The following PPP1R12C variants were observed in gnomAD, a reference collection of about 807,000 sequenced individuals.
The protein encoded by PPP1R12C is protein phosphatase 1 regulatory subunit 12C, also known as leukocyte receptor cluster (LRC) encoded novel gene 3.
A neutral mutation model predicts 95.6 loss-of-function variants in PPP1R12C; 48 were observed. The ratio of observed to expected loss-of-function variants is 0.50; its 90% CI spans 0.40 to 0.64. The LOEUF (loss-of-function observed/expected upper bound fraction) is 0.64, where lower values mean the gene tolerates loss of function less well. Ranked by LOEUF, PPP1R12C falls within the 30% of genes least tolerant of loss-of-function variation. PPP1R12C has a pLI of 0.00. For synonymous variants in PPP1R12C, 480 were observed against 460.8 expected (o/e 1.04, Z -0.53); for missense variants, 1,057 against 1,083.3 (o/e 0.98, Z 0.34).
chr19:55,100,288 C>A (rs533526703), intron 4 of PPP1R12C, among the ~76,000 whole-genome samples: 4 of 152,248 alleles, frequency 2.6e-5, no homozygotes, highest in African/African-American at 9.6e-5. Flanking sequence ...ATGCTGCCCC[C>A]CAGGGGACAT....
chr19:55,116,417 A>AGCAGAGAG (rs2085154419), intron 1 of PPP1R12C, among the ~76,000 whole-genome samples: 1 of 152,158 alleles, frequency 6.6e-6, no homozygotes, highest in Non-Finnish European at 1.5e-5. Flanking sequence ...GCAGCAACAC[A>AGCAGAGAG]GCAGAGAGCA....
intron 13 of PPP1R12C, 92 bp from the exon 14 acceptor site, chr19:55,093,325 C>A: frequency 2.1e-5 from 6 of 287,716 alleles, no homozygotes; most frequent in South Asian, 8.0e-5. Context: ...AGCCCCTCCT[C>A]CCTCAGACCC....
Position 55,092,986 on chromosome 19 carries a change from G to A in PPP1R12C, c.1825+30C>T, listed in dbSNP as rs534456522. The A allele has an allele frequency of 1.5e-5, 24 of 1,564,166 alleles. No homozygotes were observed. The South Asian group carries it at 2.5e-4, about 16-fold the overall frequency. On this transcript the variant is annotated intron_variant, in intron 15 of 21. Transcript: ENST00000263433. The stretch of plus-strand genomic sequence containing the variant: ...TATGGGAGAAACTGGATGATTCCCT[G>A]GGAATGACCTCCCCGAGAGCAGACC...
chr19:55,093,331 G>A, intron 13 of PPP1R12C, 98 bp from the exon 14 acceptor site: 3 of 203,646 alleles, frequency 1.5e-5, no homozygotes, highest in South Asian at 1.4e-4. Context: ...TCCTCCCTCA[G>A]ACCCAGGAGC....
intron 4 of PPP1R12C, among the ~76,000 whole-genome samples, chr19:55,103,109 C>T (rs1274351009): frequency 6.6e-6 from 1 of 152,164 alleles, no homozygotes; most frequent in African/African-American, 2.4e-5. Context: ...AGGAGGATCA[C>T]CTGAGCCTGG....
Position 55,109,840 on chromosome 19 carries a change from T to C in PPP1R12C, c.571+2627A>G, listed in dbSNP as rs2085076267. Among the ~76,000 whole-genome samples, 1 of 152,202 alleles carries C rather than the reference T, an allele frequency of 6.6e-6. No individual in the cohort carries two copies. ...CGCACTGCAGCCCCTCTGAGGCTCC[T>C]GTGTGGAGCCGGGTGTCACAGGGTG... On this transcript the variant is annotated intron_variant, in intron 3 of 21. Coordinates refer to ENST00000263433, the MANE Select transcript of PPP1R12C (RefSeq NM_017607.4). The surrounding 1 kb of genome is among the most constrained non-coding windows in gnomAD (Gnocchi z 4.4).
In PPP1R12C at chr19:55,092,345, A is replaced by G. The variant is rs1440625205; in HGVS notation, c.2056-19T>C. The stretch of plus-strand genomic sequence containing the variant: ...CATACAGCTGGGGGTCAGGTAGAGG[A>G]GGGTCAGGTGGAGGATGGGGCGATG... On this transcript the variant is annotated intron_variant, in intron 18 of 21. Transcript: ENST00000263433. 1.3e-6 allele frequency: 2 copies of G among 1,481,600 alleles called. No individual in the cohort carries two copies. The highest frequency in any genetic ancestry group is 2.3e-5 in the South Asian group (2 of 85,208). 91.8% of individuals were successfully genotyped at this position (1,481,600 alleles called of 1,614,324 possible). A position where few individuals can be genotyped will look rare whatever the true frequency, so the allele number is the denominator to read the frequency against.
intron 1 of PPP1R12C, chr19:55,113,740 T>A (rs367772920): frequency 1.9e-6 from 1 of 518,186 alleles, no homozygotes; most frequent in Non-Finnish European, 2.9e-6. Context: ...TCATGGAAAC[T>A]CGGGCTGTGA....
chr19:55,112,812 G>A lies in PPP1R12C; in HGVS notation c.322-17C>T. The stretch of plus-strand genomic sequence containing the variant: ...AATGCAGGCCTGGGGGTGGGAAACA[G>A]CCGTCAGCCGCACCTACCCCAGCCA... On this transcript the variant is annotated splice_polypyrimidine_tract_variant and intron_variant, in intron 1 of 21. Transcript: ENST00000263433. 6.2e-7 allele frequency: 1 copy of A among 1,610,406 alleles called. No homozygotes were observed. The highest frequency in any genetic ancestry group is 8.5e-7 in the Non-Finnish European group (1 of 1,179,774).
chr19:55,092,884 G>A lies in PPP1R12C; in HGVS notation c.1826-16C>T, dbSNP rs957946968. The A allele has an allele frequency of 7.5e-6, 12 of 1,601,186 alleles. No homozygotes were observed. In the African/African-American group the frequency reaches 9.4e-5, roughly 13 times the overall value. On this transcript the variant is annotated splice_polypyrimidine_tract_variant and intron_variant, in intron 15 of 21. Transcript: ENST00000263433. The stretch of plus-strand genomic sequence containing the variant: ...GGCGCCTCTGCTGGGGGAGGGGCAG[G>A]AATCAGCCCAGGCACCTCCAGAGCC...
intron 9 of PPP1R12C, 101 bp downstream of exon 9, chr19:55,095,766 A>G: frequency 6.5e-7 from 1 of 1,529,970 alleles, no homozygotes; most frequent in South Asian, 1.1e-5. Context: ...TGGGAACTAT[A>G]GTCTTCCCCC....
Position 55,091,415 on chromosome 19 carries a change from G to A in PPP1R12C, c.*57C>T, listed in dbSNP as rs950442014. On this transcript the variant is annotated 3_prime_UTR_variant, in exon 22 of 22. Transcript: ENST00000263433. ...TGTCACTCGTGTTCACACGGGGGAA[G>A]GGGTGCGTGTGGCAGAAGCAGCTGT... 3.3e-6 allele frequency: 5 copies of A among 1,502,952 alleles called. No individual in the cohort carries two copies. The African/African-American group carries it at 4.1e-5, about 12-fold the overall frequency. The allele number at this position is 1,502,952 out of a possible 1,614,324, so 93.1% of individuals were successfully genotyped here.
intron 1 of PPP1R12C, chr19:55,113,465 G>C: frequency 1.4e-6 from 2 of 1,480,218 alleles, no homozygotes; most frequent in Non-Finnish European, 1.8e-6. Flanking sequence ...TGCAGCCAGG[G>C]GCTGACACGG....
Position 55,093,206 on chromosome 19 carries a change from C to T in PPP1R12C, c.1711G>A (p.Ala571Thr). The T allele has an allele frequency of 6.2e-7, 1 of 1,613,564 alleles. No individual in the cohort carries two copies. The highest frequency in any genetic ancestry group is 8.5e-7 in the Non-Finnish European group (1 of 1,179,954). Reference sequence around the variant, plus strand: ...GGGGCCTTCCCTGCAGCCTTCTCTGCCTCCTTCAGGTCTGTAAGAGTCACA... The same window carrying T: ...GGGGCCTTCCCTGCAGCCTTCTCTGTCTCCTTCAGGTCTGTAAGAGTCACA... ...QGVTLTDLKEAEKAAGKAPES... is the reference protein window; with the variant it reads ...QGVTLTDLKETEKAAGKAPES... Residue 571 changes from alanine (A) to threonine (T), a missense_variant, in exon 14 of 22, where the codon GCA becomes ACA. Physicochemically the swap from Ala to Thr is moderately conservative, Grantham distance 58. Around this residue, in one of 5 missense-constraint regions of PPP1R12C, gnomAD observed 347 missense variants for 307.9 expected, o/e 1.13. Transcript: ENST00000263433.
At chr19:55,116,667 G>A (rs1284794919) in intron 1 of PPP1R12C, among the ~76,000 whole-genome samples, 1 of 152,240 alleles carries the variant, frequency 6.6e-6, no homozygotes, top group African/African-American at 2.4e-5. Context: ...GGCAGCGTTA[G>A]AGGGCAGAGT....
intron 3 of PPP1R12C, among the ~76,000 whole-genome samples, chr19:55,104,667 C>T (rs1211007852): frequency 6.7e-6 from 1 of 150,268 alleles, no homozygotes; most frequent in Non-Finnish European, 1.5e-5. Flanking sequence ...CACTGCACTC[C>T]AGCCTGGGTG....
chr19:55,112,741 T>C lies in PPP1R12C; in HGVS notation c.376A>G (p.Thr126Ala), dbSNP rs756614673. 1 of 1,613,670 alleles carries C rather than the reference T, an allele frequency of 6.2e-7. No individual in the cohort carries two copies. Among genetic ancestry groups the C allele is most frequent in the South Asian group, 1.1e-5 (1 of 91,062 alleles). The part of the protein sequence containing the change: ...VVRFLVEQGA[T>A]VNQADNEGWT... Reference sequence around the variant, plus strand: ...CCCTCGTTGTCTGCCTGGTTCACAGTGGCGCCCTGCTCCACCAAGAAGCGC... The same window carrying C: ...CCCTCGTTGTCTGCCTGGTTCACAGCGGCGCCCTGCTCCACCAAGAAGCGC... The change falls in exon 2 of 22, where the codon ACT becomes GCT. Residue 126 changes from threonine (T) to alanine (A), a missense_variant. By Grantham distance (58) the Thr-to-Ala change is moderately conservative. Transcript: ENST00000263433.
Position 55,092,562 on chromosome 19 carries a change from C to T in PPP1R12C, c.1953-18G>A, listed in dbSNP as rs371958881. On this transcript the variant is annotated intron_variant, in intron 17 of 21. Coordinates refer to ENST00000263433, the MANE Select transcript of PPP1R12C (RefSeq NM_017607.4). ...CCAGGGTGCTGGGGCAGGGGAGGAG[C>T]GCGCGTCAGGGGCCGGCCCGGCCCG... 5 of 1,585,728 alleles carry T rather than the reference C, an allele frequency of 3.2e-6. No individual in the cohort carries two copies. The highest frequency in any genetic ancestry group is 2.7e-5 in the African/African-American group (2 of 74,424).
At chr19:55,103,780 G>A (rs534366390) in intron 3 of PPP1R12C, among the ~76,000 whole-genome samples, 14 of 152,166 alleles carry the variant, frequency 9.2e-5, no homozygotes, top group African/African-American at 2.9e-4. Context: ...CTGAGTCAGC[G>A]CTAAGCACTG....
Sources: gnomAD v4.1 joint callset for allele counts (sites outside exome capture counted in the v4.1 genomes callset) on GRCh38, gnomAD v4.1.1 for gene constraint, gnomAD v4.1.1 regional missense constraint, Gnocchi (gnomAD v3.1) non-coding constraint, MANE v1.5 for transcripts, NCBI Gene and HGNC (gene_info 2026-07-23, HGNC 2026-07-21) for gene names.